Variants in AP4S1 observed in about 807,000 individuals in gnomAD.
AP4S1 encodes the protein adaptor related protein complex 4 subunit sigma 1, also known as AP-4 complex subunit sigma-1.
Under a neutral mutation model 19.8 loss-of-function variants are expected in AP4S1, and 23 were observed. That is an observed-to-expected ratio of 1.16 (90% confidence interval 0.84 to 1.65). The LOEUF is 1.65. AP4S1 is among the 40% of genes most tolerant of loss of function. The pLI is 0.00. For missense variants in AP4S1, 166 were observed against 172.8 expected, an observed-to-expected ratio of 0.96 and a Z score of 0.22; for synonymous variants, 46 against 54.1, an observed-to-expected ratio of 0.85 and a Z score of 0.66.
chr14:31,062,130 C>G (rs971906008), intron 1 of AP4S1, among the ~76,000 whole-genome samples: 2 of 151,940 alleles, frequency 1.3e-5, no homozygotes, highest in Admixed American at 1.3e-4. Flanking sequence ...CAGAGTTTAG[C>G]TCTTGTCACC....
chr14:31,080,390 T>TA (rs1456305299), intron 4 of AP4S1, among the ~76,000 whole-genome samples, 183 bp from the exon 5 acceptor site: 1 of 152,146 alleles, frequency 6.6e-6, no homozygotes, highest in Non-Finnish European at 1.5e-5. Context: ...AGCCTATATT[T>TA]AAAAAAATTA....
At chr14:31,025,946 C>G in intron 1 of AP4S1, 159 bp downstream of exon 1, 1 of 1,598,460 alleles carries the variant, frequency 6.3e-7, no homozygotes, top group Non-Finnish European at 8.5e-7. Context: ...CCCGCTCCAT[C>G]TCGAACCGAG....
chr14:31,046,240 A>G (rs1356463421), intron 1 of AP4S1, among the ~76,000 whole-genome samples: 7 of 152,112 alleles, frequency 4.6e-5, no homozygotes, highest in Non-Finnish European at 1.5e-5. Flanking sequence ...TACAGACATG[A>G]GCCTCCACAC....
chr14:31,058,179 C>A lies in AP4S1; in HGVS notation c.-71-7947C>A, dbSNP rs886815611. On this transcript the variant is annotated intron_variant, in intron 1 of 5. Coordinates refer to ENST00000542754, the MANE Select transcript of AP4S1 (RefSeq NM_001128126.3). ...TCCTGGCCTCAGGTGATCCGCCCAC[C>A]TTGGCCTCGCAAAGTGCTGGGATTA... Among the ~76,000 whole-genome samples, 9 of 152,268 alleles carry A rather than the reference C, an allele frequency of 5.9e-5. No homozygotes were observed. The South Asian group carries it at 1.4e-3, about 25-fold the overall frequency.
chr14:31,070,051 G>A lies in AP4S1; in HGVS notation c.225+122G>A, dbSNP rs1046176736. The A allele has an allele frequency of 7.4e-5, 60 of 815,176 alleles. 1 individual carries two copies. The highest frequency in any genetic ancestry group is 2.7e-4 in the South Asian group (20 of 74,792). 50.5% of individuals were successfully genotyped at this position (815,176 alleles called of 1,614,324 possible). A position where few individuals can be genotyped will look rare whatever the true frequency, so the allele number is the denominator to read the frequency against. ...TGCCCTGTCACCAGTCTGGAGTGCC[G>A]TGGCATGATCTCAGCTCACTGCAAC... On this transcript the variant is annotated intron_variant, in intron 3 of 5. Coordinates refer to ENST00000542754, the MANE Select transcript of AP4S1 (RefSeq NM_001128126.3).
intron 1 of AP4S1, among the ~76,000 whole-genome samples, chr14:31,037,083 A>T (rs1331686857): frequency 6.6e-6 from 1 of 152,002 alleles, no homozygotes; most frequent in African/African-American, 2.4e-5. Context: ...AAGTGCTGGG[A>T]TTACAGGTGT....
chr14:31,047,273 T>C (rs1885462521), intron 1 of AP4S1, among the ~76,000 whole-genome samples: 1 of 152,204 alleles, frequency 6.6e-6, no homozygotes, highest in Non-Finnish European at 1.5e-5. Context: ...CAAATCATTT[T>C]TTCCAGTCTG....
chr14:31,083,266 C>T (rs1234975076), intron 5 of AP4S1, among the ~76,000 whole-genome samples: 1 of 152,136 alleles, frequency 6.6e-6, no homozygotes, highest in Non-Finnish European at 1.5e-5. Context: ...CATTTTCACC[C>T]TCTCTTCCCT....
At chr14:31,091,717 T>C (rs1888081474) in intron 5 of AP4S1, among the ~76,000 whole-genome samples, 1 of 152,184 alleles carries the variant, frequency 6.6e-6, no homozygotes, top group Non-Finnish European at 1.5e-5. Context: ...AGTGTAGACT[T>C]TGAATATCTG....
intron 1 of AP4S1, among the ~76,000 whole-genome samples, chr14:31,055,038 T>C (rs1417173690): frequency 1.3e-5 from 2 of 151,152 alleles, no homozygotes; most frequent in Non-Finnish European, 2.9e-5. Flanking sequence ...GGACATTCCT[T>C]AAAATACCTG....
chr14:31,025,818 GCT>G, intron 1 of AP4S1, 31 bp downstream of exon 1: 1 of 1,522,242 alleles, frequency 6.6e-7, no homozygotes, highest in East Asian at 2.5e-5. Flanking sequence ...CAAGGCGCCG[GCT>G]CCGGCTGAGT....
chr14:31,029,849 C>T (rs1412774780), intron 1 of AP4S1, among the ~76,000 whole-genome samples: 1 of 138,268 alleles, frequency 7.2e-6, no homozygotes, highest in South Asian at 2.3e-4. Flanking sequence ...CCTTCCCCCA[C>T]AAAAAAAAAA....
intron 1 of AP4S1, among the ~76,000 whole-genome samples, chr14:31,062,618 G>A (rs1886500189): frequency 6.6e-6 from 1 of 152,186 alleles, no homozygotes; most frequent in Admixed American, 6.5e-5. Flanking sequence ...ATTAACAGAT[G>A]GCGATGCTAA....
At chr14:31,086,883 G>A (rs1247017673) in intron 5 of AP4S1, among the ~76,000 whole-genome samples, 1 of 151,530 alleles carries the variant, frequency 6.6e-6, no homozygotes, top group African/African-American at 2.4e-5. Context: ...TTTACAGTCA[G>A]GGTCTTGCTC....
intron 1 of AP4S1, among the ~76,000 whole-genome samples, chr14:31,058,173 G>C (rs113948660): frequency 6.6e-6 from 1 of 151,750 alleles, no homozygotes; most frequent in Non-Finnish European, 1.5e-5. Flanking sequence ...CAGGTGATCC[G>C]CCCACCTTGG....
chr14:31,032,861 G>A (rs1331422588), intron 1 of AP4S1: 4 of 152,126 alleles, frequency 2.6e-5, no homozygotes, highest in Admixed American at 2.6e-4. Context: ...TTGCTGACTA[G>A]GTACCTGGCA....
At chr14:31,069,726 A>G in intron 2 of AP4S1, 117 bp from the exon 3 acceptor site, 2 of 835,630 alleles carry the variant, frequency 2.4e-6, no homozygotes, top group East Asian at 2.5e-5. Flanking sequence ...TAACATCTTA[A>G]TATTCTATAT....
chr14:31,051,685 G>C (rs958318630), intron 1 of AP4S1, among the ~76,000 whole-genome samples: 1 of 152,118 alleles, frequency 6.6e-6, no homozygotes, highest in Non-Finnish European at 1.5e-5. Context: ...TTATGAGACA[G>C]AGTCTTGCTG....
intron 2 of AP4S1, among the ~76,000 whole-genome samples, chr14:31,066,911 T>C (rs1416712559): frequency 1.3e-5 from 2 of 152,232 alleles, no homozygotes; most frequent in Non-Finnish European, 2.9e-5. Context: ...TAAGAATTCA[T>C]GTGAAACAAC....
Sources: gnomAD v4.1 joint callset for allele counts (sites outside exome capture counted in the v4.1 genomes callset) on GRCh38, gnomAD v4.1.1 for gene constraint, MANE v1.5 for transcripts, NCBI Gene and HGNC (gene_info 2026-07-23, HGNC 2026-07-21) for gene names.